Variants in GRM7 observed in about 807,000 individuals in gnomAD.
The protein encoded by GRM7 is glutamate metabotropic receptor 7, also known as metabotropic glutamate receptor 7.
In GRM7, 35 loss-of-function variants were observed where a neutral mutation model predicts 84.5. The observed-to-expected ratio is 0.41, with a 90% CI of 0.32 to 0.55. The LOEUF is 0.55. GRM7 is among the 20% of genes least tolerant of loss of function. GRM7 has a pLI of 0.19. For missense variants in GRM7, 1,003 were observed against 1,194.6 expected (o/e 0.84, Z 2.36); for synonymous variants, 487 against 455.1 (o/e 1.07, Z -0.89).
Position 6,861,173 on chromosome 3 carries a change from G to C in GRM7, c.-216G>C. The C allele has an allele frequency of 2.3e-6, 1 of 439,850 alleles. No individual in the cohort carries two copies. Among genetic ancestry groups the C allele is most frequent in the Non-Finnish European group, 4.0e-6 (1 of 253,120 alleles). 27.2% of individuals were successfully genotyped at this position (439,850 alleles called of 1,614,324 possible). A position where few individuals can be genotyped will look rare whatever the true frequency, so the allele number is the denominator to read the frequency against. ...CCGGTGAGCGCGAGCGCGGCGCGCC[G>C]GCCGGCTAACCCGAGAGCGCGAGGC... On this transcript the variant is annotated 5_prime_UTR_variant, in exon 1 of 10. Coordinates refer to ENST00000357716, the MANE Select transcript of GRM7 (RefSeq NM_000844.4). This position sits in a 1 kb window ranked among gnomAD's most constrained non-coding sequence, Gnocchi z 6.4.
intron 4 of GRM7, among the ~76,000 whole-genome samples, chr3:7,318,138 A>C (rs1486143003): frequency 6.6e-6 from 1 of 152,144 alleles, no homozygotes; most frequent in African/African-American, 2.4e-5. Flanking sequence ...TGCCAAAACA[A>C]ATTGTTCTGA....
intron 1 of GRM7, among the ~76,000 whole-genome samples, chr3:6,912,948 G>A (rs1335659116): frequency 2.0e-5 from 3 of 152,174 alleles, no homozygotes; most frequent in South Asian, 4.2e-4. Context: ...ACAATTACAT[G>A]TTGTTTTGAG....
At chr3:7,692,148 T>C (rs1328471679) in intron 9 of GRM7, among the ~76,000 whole-genome samples, 2 of 152,144 alleles carry the variant, frequency 1.3e-5, no homozygotes, top group Admixed American at 1.3e-4. Flanking sequence ...TCATTAGTAG[T>C]CTTTTGGCTT....
chr3:6,946,267 T>C (rs1383799765), intron 1 of GRM7, among the ~76,000 whole-genome samples: 1 of 152,230 alleles, frequency 6.6e-6, no homozygotes, highest in Admixed American at 6.5e-5. Flanking sequence ...CAGTTTCAGC[T>C]TTCTACATAT....
At chr3:7,730,889 G>T (rs80276305) in intron 9 of GRM7, among the ~76,000 whole-genome samples, 2,358 of 152,230 alleles carry the variant, frequency 0.015, 59 homozygotes, top group African/African-American at 0.054. Context: ...ATCTGATGTG[G>T]TAATTTAATG....
At chr3:6,999,502 C>T (rs1225511162) in intron 1 of GRM7, among the ~76,000 whole-genome samples, 2 of 152,132 alleles carry the variant, frequency 1.3e-5, no homozygotes. Context: ...CAATCGGGTA[C>T]CCTTATAGCA....
At chr3:7,730,742 G>C (rs1436750294) in intron 9 of GRM7, among the ~76,000 whole-genome samples, 1 of 152,134 alleles carries the variant, frequency 6.6e-6, no homozygotes, top group Non-Finnish European at 1.5e-5. Context: ...GACAGACTTT[G>C]GTTCACAGCT....
chr3:7,264,460 T>G (rs1698556869), intron 2 of GRM7, among the ~76,000 whole-genome samples: 1 of 152,096 alleles, frequency 6.6e-6, no homozygotes, highest in African/African-American at 2.4e-5. Flanking sequence ...AGGCCTGTAG[T>G]AAGAGCAGGT....
At chr3:7,066,144 C>A (rs1697649813) in intron 1 of GRM7, among the ~76,000 whole-genome samples, 1 of 151,488 alleles carries the variant, frequency 6.6e-6, no homozygotes, top group Non-Finnish European at 1.5e-5. Flanking sequence ...CAAACCAAAC[C>A]CAAACCCAGC....
intron 1 of GRM7, among the ~76,000 whole-genome samples, chr3:7,124,965 G>A: frequency 6.6e-6 from 1 of 152,000 alleles, no homozygotes; most frequent in East Asian, 1.9e-4. Flanking sequence ...TTGAGGCAGA[G>A]TCTCACTCTG....
At chr3:7,269,547 C>CTT (rs1453452066) in intron 2 of GRM7, among the ~76,000 whole-genome samples, 1 of 152,162 alleles carries the variant, frequency 6.6e-6, no homozygotes, top group Non-Finnish European at 1.5e-5. Flanking sequence ...AGGGTGAGAA[C>CTT]TATTACTCTG....
chr3:7,464,579 C>T (rs1397590443), intron 7 of GRM7, among the ~76,000 whole-genome samples: 6 of 151,830 alleles, frequency 4.0e-5, no homozygotes, highest in Admixed American at 3.3e-4. Flanking sequence ...GCCTGTAATC[C>T]CAGCACTTTG....
At chr3:7,616,157 T>A (rs1436834979) in intron 8 of GRM7, among the ~76,000 whole-genome samples, 2 of 152,084 alleles carry the variant, frequency 1.3e-5, no homozygotes, top group African/African-American at 2.4e-5. Context: ...AAAACAAGTT[T>A]CCTTTCCAAG....
chr3:7,112,489 G>C (rs1051160587), intron 1 of GRM7, among the ~76,000 whole-genome samples: 5 of 152,156 alleles, frequency 3.3e-5, no homozygotes, highest in African/African-American at 9.6e-5. Flanking sequence ...CTCCCAAAGT[G>C]CTGGGATTAC....
At chr3:7,047,728 C>A (rs569758403) in intron 1 of GRM7, among the ~76,000 whole-genome samples, 70 of 152,168 alleles carry the variant, frequency 4.6e-4, no homozygotes, top group African/African-American at 1.7e-3. Flanking sequence ...AACAGGAAGA[C>A]CTCGATAGAA....
In GRM7 at chr3:7,486,803, G is replaced by A. The variant is rs1411658497; in HGVS notation, c.1515+25081G>A. Among the ~76,000 whole-genome samples the A allele has an allele frequency of 6.6e-6, 1 of 152,164 alleles. No homozygotes were observed. Among genetic ancestry groups the A allele is most frequent in the Admixed American group, 6.5e-5 (1 of 15,274 alleles). On this transcript the variant is annotated intron_variant, in intron 7 of 9. Coordinates refer to ENST00000357716, the MANE Select transcript of GRM7 (RefSeq NM_000844.4). The surrounding 1 kb of genome is among the most constrained non-coding windows in gnomAD (Gnocchi z 5.5). ...CTAAGAAAATGGATGCTGGGAAGTGGAGTTGTTGCTATGCCTGAAAATGTA... is the reference window on the plus strand; with the variant it reads ...CTAAGAAAATGGATGCTGGGAAGTGAAGTTGTTGCTATGCCTGAAAATGTA...
At chr3:7,035,997 G>GT (rs1696374062) in intron 1 of GRM7, among the ~76,000 whole-genome samples, 1 of 152,200 alleles carries the variant, frequency 6.6e-6, no homozygotes, top group South Asian at 2.1e-4. Flanking sequence ...AAATGATAGT[G>GT]TTTTTATTAC....
intron 4 of GRM7, among the ~76,000 whole-genome samples, chr3:7,378,307 A>G (rs1694443707): frequency 6.6e-6 from 1 of 152,244 alleles, no homozygotes; most frequent in Non-Finnish European, 1.5e-5. Flanking sequence ...AAAGGCAGAG[A>G]TGAAAAATAA....
chr3:7,618,978 T>C (rs1285512873), intron 8 of GRM7, among the ~76,000 whole-genome samples: 1 of 152,164 alleles, frequency 6.6e-6, no homozygotes, highest in Non-Finnish European at 1.5e-5. Context: ...GAATTTATTT[T>C]CAGAAAATAG....
Sources: allele counts gnomAD v4.1 joint callset (sites outside exome capture counted in the v4.1 genomes callset), GRCh38; gene constraint gnomAD v4.1.1; non-coding constraint Gnocchi (gnomAD v3.1); transcripts MANE v1.5; gene names NCBI Gene and HGNC (gene_info 2026-07-23, HGNC 2026-07-21).